The following CCDC171 variants were observed in gnomAD, a reference collection of about 807,000 sequenced individuals.
The protein encoded by CCDC171 is coiled-coil domain-containing protein 171.
In CCDC171, 177 loss-of-function variants were observed where a neutral mutation model predicts 168.2. The ratio of observed to expected loss-of-function variants is 1.05; its 90% CI spans 0.93 to 1.19. CCDC171 has a LOEUF of 1.19. Among genes scored for constraint, CCDC171 ranks in the 50% most tolerant of loss-of-function variants. CCDC171 has a pLI of 0.00. For missense variants in CCDC171, 1,991 were observed against 1,539.0 expected (o/e 1.29, Z -4.91); for synonymous variants, 687 against 540.8 (o/e 1.27, Z -3.75).
In CCDC171 at chr9:15,973,565, A is replaced by G. The variant is rs531979836; in HGVS notation, c.*1729A>G. 3 of 152,276 alleles carry G rather than the reference A, an allele frequency of 2.0e-5. No individual in the cohort carries two copies. Among genetic ancestry groups the G allele is most frequent in the Non-Finnish European group, 4.4e-5 (3 of 68,004 alleles). The allele number at this position is 152,276 out of a possible 1,614,324, so 9.4% of individuals were successfully genotyped here. A position where few individuals can be genotyped will look rare whatever the true frequency, so the allele number is the denominator to read the frequency against. ...TAGAAAGCTTATATGGAGTAAAATTATATCTTTAACCAAATTTCTCTTAAT... is the reference window on the plus strand; with the variant it reads ...TAGAAAGCTTATATGGAGTAAAATTGTATCTTTAACCAAATTTCTCTTAAT... On this transcript the variant is annotated 3_prime_UTR_variant, in exon 26 of 26. Transcript: ENST00000380701.
exon 5 of CCDC171, chr9:16,022,419 C>G (rs928502032): frequency 1.3e-5 from 2 of 152,226 alleles, no homozygotes; most frequent in African/African-American, 4.8e-5. Context: ...GCCCTCCCAC[C>G]CATCCTGTGG....
At chr9:15,892,679 C>A (rs1589021445) in intron 24 of CCDC171, among the ~76,000 whole-genome samples, 1 of 152,054 alleles carries the variant, frequency 6.6e-6, no homozygotes, top group Non-Finnish European at 1.5e-5. Flanking sequence ...TTTCCATTCA[C>A]AGTTGCTGCA....
chr9:16,030,624 A>G (rs936854007), intron 6 of CCDC171, among the ~76,000 whole-genome samples: 9 of 152,236 alleles, frequency 5.9e-5, no homozygotes, highest in African/African-American at 2.2e-4. Flanking sequence ...GCTTCTCACC[A>G]GGAGGTCCCA....
chr9:16,043,886 G>C (rs981793144), intron 1 of CCDC171, among the ~76,000 whole-genome samples: 33 of 152,234 alleles, frequency 2.2e-4, no homozygotes, highest in Admixed American at 1.6e-3. Flanking sequence ...TGGCATCACA[G>C]ATACGTCCAT....
At chr9:15,576,576 C>T (rs764887376) in intron 3 of CCDC171, among the ~76,000 whole-genome samples, 15 of 152,204 alleles carry the variant, frequency 9.9e-5, no homozygotes, top group East Asian at 1.9e-4. Flanking sequence ...AAACCACTCC[C>T]GTGTTCTTAA....
At chr9:15,853,665 T>A (rs1042653717) in intron 23 of CCDC171, among the ~76,000 whole-genome samples, 4 of 151,630 alleles carry the variant, frequency 2.6e-5, no homozygotes, top group Middle Eastern at 3.2e-3. Flanking sequence ...CATGTTTGTT[T>A]TCTTCTTAAT....
chr9:15,576,635 G>C (rs1357776583), intron 3 of CCDC171, among the ~76,000 whole-genome samples: 1 of 152,194 alleles, frequency 6.6e-6, no homozygotes, highest in Non-Finnish European at 1.5e-5. Context: ...CTTATGAAAT[G>C]ATTGTAGGCT....
the CCDC171 span, among the ~76,000 whole-genome samples, chr9:16,101,436 T>G: frequency 2.0e-5 from 3 of 152,244 alleles, no homozygotes; most frequent in Non-Finnish European, 2.9e-5. Context: ...CCCTCTGGTA[T>G]AATGTCTTAC....
At chr9:16,070,221 C>T in the CCDC171 span, among the ~76,000 whole-genome samples, 16 of 152,106 alleles carry the variant, frequency 1.1e-4, no homozygotes, top group Admixed American at 7.9e-4. Context: ...CCTCGGGGTC[C>T]GTGGTTAAAT....
chr9:15,623,461 ATATGCGCGCGCG>A (rs756651891), intron 7 of CCDC171, 48 bp downstream of exon 7: 1 of 644,176 alleles, frequency 1.6e-6, no homozygotes, highest in Non-Finnish European at 2.4e-6. Context: ...AAACTTTCAC[ATATGCGCGCGCG>A]CGCACACACA....
chr9:15,716,365 A>G (rs1359005829), intron 11 of CCDC171, among the ~76,000 whole-genome samples: 1 of 152,066 alleles, frequency 6.6e-6, no homozygotes, highest in African/African-American at 2.4e-5. Flanking sequence ...GATAGCTTTT[A>G]TAGTTCATTG....
chr9:16,076,026 A>G, the CCDC171 span, among the ~76,000 whole-genome samples: 1 of 152,230 alleles, frequency 6.6e-6, no homozygotes. Flanking sequence ...ATCAATTTGA[A>G]GAACAGTTTT....
chr9:15,718,234 G>A (rs2053218894), intron 11 of CCDC171, among the ~76,000 whole-genome samples: 5 of 152,190 alleles, frequency 3.3e-5, no homozygotes, highest in Admixed American at 3.3e-4. Context: ...GTGGCCAGGG[G>A]GAGAGACTCC....
chr9:16,103,800 C>T, the CCDC171 span, among the ~76,000 whole-genome samples: 1 of 152,168 alleles, frequency 6.6e-6, no homozygotes, highest in Non-Finnish European at 1.5e-5. Context: ...GGGCCTGCCC[C>T]CCAGTGATTT....
chr9:15,771,364 C>G (rs951773301), intron 18 of CCDC171, among the ~76,000 whole-genome samples: 1 of 152,126 alleles, frequency 6.6e-6, no homozygotes, highest in Admixed American at 6.5e-5. Flanking sequence ...TTTTGATAAT[C>G]TCTTTGACCT....
intron 6 of CCDC171, among the ~76,000 whole-genome samples, chr9:15,598,814 T>G (rs540039596): frequency 6.6e-6 from 1 of 152,196 alleles, no homozygotes; most frequent in Non-Finnish European, 1.5e-5. Context: ...AAGGACTTCC[T>G]TTATGAATCT....
At chr9:16,084,753 GT>G in the CCDC171 span, among the ~76,000 whole-genome samples, 2 of 152,140 alleles carry the variant, frequency 1.3e-5, no homozygotes, top group Non-Finnish European at 2.9e-5. Context: ...TCCAGGCAGG[GT>G]TTTGGGTGTC....
intron 16 of CCDC171, among the ~76,000 whole-genome samples, chr9:15,732,065 A>T (rs2054185627): frequency 6.6e-6 from 1 of 152,000 alleles, no homozygotes; most frequent in African/African-American, 2.4e-5. Flanking sequence ...ATTGATTTCT[A>T]AGAGTTCTTT....
At chr9:15,652,380 T>G (rs1353173129) in intron 7 of CCDC171, among the ~76,000 whole-genome samples, 6 of 152,156 alleles carry the variant, frequency 3.9e-5, no homozygotes. Flanking sequence ...TGTCAGTTCC[T>G]TTCTGTGGAT....
Sources: allele counts gnomAD v4.1 joint callset (sites outside exome capture counted in the v4.1 genomes callset), GRCh38; gene constraint gnomAD v4.1.1; transcripts MANE v1.5; gene names NCBI Gene and HGNC (gene_info 2026-07-23, HGNC 2026-07-21).